RASGRF2: variants seen among roughly 807,000 people sequenced by gnomAD.
RASGRF2 encodes the protein ras-specific guanine nucleotide-releasing factor 2.
A neutral mutation model predicts 151.0 loss-of-function variants in RASGRF2; 76 were observed. That is an observed-to-expected ratio of 0.50 (90% confidence interval 0.42 to 0.61). The LOEUF is 0.61. Among genes scored for constraint, RASGRF2 ranks in the 20% least tolerant of loss-of-function variants. The pLI, the probability that RASGRF2 is intolerant of heterozygous loss-of-function variation, is 0.00. For missense variants in RASGRF2, 1,148 were observed against 1,564.6 expected, an observed-to-expected ratio of 0.73 and a Z score of 4.49; for synonymous variants, 504 against 566.5, an observed-to-expected ratio of 0.89 and a Z score of 1.57.
intron 18 of RASGRF2, 129 bp from the exon 19 acceptor site, chr5:81,201,201 A>G: frequency 7.4e-7 from 1 of 1,357,146 alleles, no homozygotes; most frequent in South Asian, 1.7e-5. Context: ...GTGGCAGGGA[A>G]CTCTAGGGTC....
At chr5:81,009,417 G>A (rs1202663377) in intron 1 of RASGRF2, among the ~76,000 whole-genome samples, 1 of 152,136 alleles carries the variant, frequency 6.6e-6, no homozygotes, top group African/African-American at 2.4e-5. Flanking sequence ...CCACTCAGTC[G>A]CTAAAATTGT....
chr5:81,038,013 A>G (rs941660963), intron 1 of RASGRF2, among the ~76,000 whole-genome samples: 3 of 152,196 alleles, frequency 2.0e-5, no homozygotes, highest in African/African-American at 7.2e-5. Flanking sequence ...TTTTTGCTCA[A>G]CATTGAGTTG....
chr5:81,157,856 C>A (rs1754298957), intron 17 of RASGRF2, among the ~76,000 whole-genome samples: 1 of 152,160 alleles, frequency 6.6e-6, no homozygotes. Flanking sequence ...CCCACCAGGT[C>A]CCTCCCAATA....
rs988263457 is a variant in RASGRF2, at chr5:81,217,025, C to G, written c.3435-331C>G. On this transcript the variant is annotated intron_variant, in intron 24 of 26. Coordinates refer to ENST00000265080, the MANE Select transcript of RASGRF2 (RefSeq NM_006909.3). ...ACCATAGAGGTTTCCCTCCAAGCTT[C>G]TACCCCTCAAAAAAGTGTGGGCAGT... 6.7e-6 allele frequency: 3 copies of G among 448,212 alleles called. No homozygotes were observed. The Admixed American group carries it at 7.7e-5, about 12-fold the overall frequency. The allele number at this position is 448,212 out of a possible 1,614,324, so 27.8% of individuals were successfully genotyped here.
intron 23 of RASGRF2, among the ~76,000 whole-genome samples, chr5:81,213,937 TCCCTGCACCTTACA>T (rs1400611804): frequency 3.9e-5 from 6 of 152,196 alleles, no homozygotes; most frequent in Non-Finnish European, 7.3e-5. Flanking sequence ...ACGCGGGGAT[TCCCTGCACCTTACA>T]CCCAGTTTCC....
chr5:80,980,450 G>A (rs893993226), intron 1 of RASGRF2, among the ~76,000 whole-genome samples: 6 of 152,164 alleles, frequency 3.9e-5, no homozygotes, highest in African/African-American at 1.4e-4. Context: ...GGCCAGCCTG[G>A]CCAACACGGT....
Position 81,077,314 on chromosome 5 carries a change from CT to C in RASGRF2, c.888-2804del, listed in dbSNP as rs371187802. On this transcript the variant is annotated intron_variant, in intron 5 of 26. Coordinates refer to ENST00000265080, the MANE Select transcript of RASGRF2 (RefSeq NM_006909.3). ...GACCGAGGTCAATGGAGGACAAGAT[CT>C]TTGGAGGAAGAGTTCAAGGTCCTGT... 2.6e-4 allele frequency among the ~76,000 whole-genome samples: 39 copies of C among 152,134 alleles called. 1 individual carries two copies. The East Asian group carries it at 6.6e-3, about 26-fold the overall frequency.
In RASGRF2 at chr5:81,133,880, G is replaced by A. The variant is rs74558851; in HGVS notation, c.2686+6717G>A. Among the ~76,000 whole-genome samples, 628 of 152,260 alleles carry A rather than the reference G, an allele frequency of 4.1e-3. 1 individual carries two copies. The highest frequency in any genetic ancestry group is 0.015 in the African/African-American group (607 of 41,554). The stretch of plus-strand genomic sequence containing the variant: ...ATCTGTTTTATCTTCTGTAAAACCA[G>A]TCATGGCATGTGTGGTAAATAGTAG... On this transcript the variant is annotated intron_variant, in intron 17 of 26. Coordinates refer to ENST00000265080, the MANE Select transcript of RASGRF2 (RefSeq NM_006909.3).
chr5:81,018,576 C>G (rs1371739763), intron 1 of RASGRF2, among the ~76,000 whole-genome samples: 1 of 151,922 alleles, frequency 6.6e-6, no homozygotes, highest in Non-Finnish European at 1.5e-5. Context: ...AAATTCAGAG[C>G]AAACATTAGA....
chr5:81,123,855 CA>C (rs1753381696), intron 16 of RASGRF2, 88 bp downstream of exon 16: 1 of 1,409,984 alleles, frequency 7.1e-7, no homozygotes, highest in African/African-American at 1.5e-5. Context: ...GTTTCACTGC[CA>C]AAATAATTTT....
chr5:81,147,257 C>G (rs1754026805), intron 17 of RASGRF2, among the ~76,000 whole-genome samples: 2 of 152,150 alleles, frequency 1.3e-5, no homozygotes. Flanking sequence ...AATTAGTCAG[C>G]TTTCTCTGGC....
chr5:81,008,970 G>A (rs1749366406), intron 1 of RASGRF2, among the ~76,000 whole-genome samples: 1 of 152,174 alleles, frequency 6.6e-6, no homozygotes, highest in Non-Finnish European at 1.5e-5. Flanking sequence ...AGAGTCCTGG[G>A]TTTTGGACTC....
At chr5:81,168,919 C>T (rs946224672) in intron 17 of RASGRF2, among the ~76,000 whole-genome samples, 2 of 152,160 alleles carry the variant, frequency 1.3e-5, no homozygotes, top group African/African-American at 4.8e-5. Flanking sequence ...GACTAATGTG[C>T]CTGGGTTTCC....
intron 2 of RASGRF2, among the ~76,000 whole-genome samples, chr5:81,049,314 T>C (rs541504434): frequency 7.9e-5 from 12 of 152,186 alleles, no homozygotes; most frequent in Non-Finnish European, 1.8e-4. Context: ...TTCTGTATAT[T>C]TGCATATGGA....
At chr5:81,110,052 T>G (rs1752953587) in intron 13 of RASGRF2, among the ~76,000 whole-genome samples, 1 of 152,238 alleles carries the variant, frequency 6.6e-6, no homozygotes, top group Non-Finnish European at 1.5e-5. Context: ...CTGTTCCTTC[T>G]GATGGCTCTA....
chr5:81,005,273 T>C (rs1272406657), intron 1 of RASGRF2, among the ~76,000 whole-genome samples: 1 of 152,062 alleles, frequency 6.6e-6, no homozygotes, highest in Admixed American at 6.5e-5. Context: ...AAACCGACAA[T>C]CATGGCGGAA....
At chr5:81,123,597 T>G in intron 15 of RASGRF2, 45 bp from the exon 16 acceptor site, 1 of 1,593,704 alleles carries the variant, frequency 6.3e-7, no homozygotes, top group Non-Finnish European at 8.6e-7. Context: ...AAGAAGCTCT[T>G]GAATTCATGG....
At chr5:81,200,960 G>T (rs991379518) in intron 18 of RASGRF2, among the ~76,000 whole-genome samples, 1 of 152,128 alleles carries the variant, frequency 6.6e-6, no homozygotes, top group Non-Finnish European at 1.5e-5. Flanking sequence ...TGTTGGGGGC[G>T]TGGTACGTGT....
At chr5:81,038,719 G>T (rs950452658) in intron 1 of RASGRF2, among the ~76,000 whole-genome samples, 2 of 151,768 alleles carry the variant, frequency 1.3e-5, no homozygotes, top group African/African-American at 4.8e-5. Context: ...GAGACCACAG[G>T]TGCATGCCAC....
Sources: gnomAD v4.1 joint callset for allele counts (sites outside exome capture counted in the v4.1 genomes callset) on GRCh38, gnomAD v4.1.1 for gene constraint, MANE v1.5 for transcripts, NCBI Gene and HGNC (gene_info 2026-07-23, HGNC 2026-07-21) for gene names.